NALF1: variants seen among roughly 807,000 people sequenced by gnomAD.
The protein encoded by NALF1 is NALCN channel auxiliary factor 1.
Under a neutral mutation model 48.4 loss-of-function variants are expected in NALF1, and 3 were observed. That is an observed-to-expected ratio of 0.06 (90% CI 0.03 to 0.16). The LOEUF is 0.16. Ranked by LOEUF, NALF1 falls within the 10% of genes least tolerant of loss-of-function variation. The pLI, the probability that NALF1 is intolerant of heterozygous loss-of-function variation, is 1.00. For synonymous variants in NALF1, 262 were observed against 245.7 expected (o/e 1.07, Z -0.62); for missense variants, 526 against 571.5 (o/e 0.92, Z 0.81).
intron 1 of NALF1, among the ~76,000 whole-genome samples, chr13:107,232,748 G>A (rs1008651783): frequency 6.6e-6 from 1 of 152,194 alleles, no homozygotes; most frequent in Non-Finnish European, 1.5e-5. Context: ...GAGATTCTGT[G>A]CACAGTTCCT....
At chr13:107,329,749 T>A (rs1469643032) in intron 1 of NALF1, among the ~76,000 whole-genome samples, 1 of 149,198 alleles carries the variant, frequency 6.7e-6, no homozygotes, top group African/African-American at 2.5e-5. Flanking sequence ...AGTGAGAACA[T>A]GCGGTGTTTG....
At chr13:107,219,621 T>A (rs1000595120) in intron 1 of NALF1, among the ~76,000 whole-genome samples, 8 of 152,244 alleles carry the variant, frequency 5.3e-5, no homozygotes, top group Non-Finnish European at 8.8e-5. Flanking sequence ...GAGCACTTGA[T>A]GATTAATAAA....
At chr13:107,419,394 T>C (rs574026923) in intron 1 of NALF1, among the ~76,000 whole-genome samples, 16 of 152,340 alleles carry the variant, frequency 1.1e-4, no homozygotes, top group Non-Finnish European at 1.8e-4. Context: ...ATTCACACAA[T>C]ATCGCTGTAA....
chr13:107,430,573 G>C (rs1246821972), intron 1 of NALF1, among the ~76,000 whole-genome samples: 1 of 152,146 alleles, frequency 6.6e-6, no homozygotes, highest in Non-Finnish European at 1.5e-5. Flanking sequence ...CCTTGCGATA[G>C]TTTGCTGAGA....
chr13:107,252,908 T>C (rs963252565), intron 1 of NALF1, among the ~76,000 whole-genome samples: 8 of 152,234 alleles, frequency 5.3e-5, no homozygotes, highest in Admixed American at 5.2e-4. Flanking sequence ...TTGAACATTA[T>C]ACATATTTTA....
chr13:107,529,839 C>G (rs1876567428), intron 1 of NALF1, among the ~76,000 whole-genome samples: 1 of 152,004 alleles, frequency 6.6e-6, no homozygotes, highest in South Asian at 2.1e-4. Context: ...TGGAAACTAT[C>G]CATGGTAGGG....
At chr13:107,840,292 A>G (rs181584257) in intron 1 of NALF1, among the ~76,000 whole-genome samples, 144 of 152,324 alleles carry the variant, frequency 9.5e-4, no homozygotes, top group South Asian at 2.9e-3. Flanking sequence ...ATTGTTAGCT[A>G]CATATAACAA....
intron 1 of NALF1, among the ~76,000 whole-genome samples, chr13:107,228,186 T>C (rs184371526): frequency 6.6e-6 from 1 of 152,110 alleles, no homozygotes; most frequent in Non-Finnish European, 1.5e-5. Flanking sequence ...TTTGGAAAAA[T>C]ATACAATGAA....
chr13:107,225,420 G>A (rs963556277), intron 1 of NALF1, among the ~76,000 whole-genome samples: 13 of 152,110 alleles, frequency 8.5e-5, no homozygotes, highest in African/African-American at 3.1e-4. Context: ...GGGACAACAG[G>A]TGCATGCCAC....
chr13:107,673,698 G>A (rs527308354), intron 1 of NALF1, among the ~76,000 whole-genome samples: 16 of 152,186 alleles, frequency 1.1e-4, no homozygotes, highest in African/African-American at 3.9e-4. Flanking sequence ...TTGACATGAA[G>A]AAATGATACA....
At chr13:107,780,625 A>C (rs1007061251) in intron 1 of NALF1, among the ~76,000 whole-genome samples, 1 of 151,760 alleles carries the variant, frequency 6.6e-6, no homozygotes, top group African/African-American at 2.4e-5. Context: ...CAGCCTCCTG[A>C]GCAGCTGGGA....
At chr13:107,640,241 C>T (rs1338939838) in intron 1 of NALF1, among the ~76,000 whole-genome samples, 2 of 152,066 alleles carry the variant, frequency 1.3e-5, no homozygotes, top group Admixed American at 1.3e-4. Context: ...CTAAGTACTA[C>T]GGCATTAGTC....
At position 107,613,598 on chromosome 13, in the gene NALF1, T is replaced by C. The variant is rs1879299371; in HGVS notation, c.915+252084A>G. ...TATTTGAACTACCTTGGTTTTCTTATTTCTGGGCCCTGACTCCATCCAGCC... is the reference window on the plus strand; with the variant it reads ...TATTTGAACTACCTTGGTTTTCTTACTTCTGGGCCCTGACTCCATCCAGCC... On this transcript the variant is annotated intron_variant, in intron 1 of 2. Transcript: ENST00000375915. 2.6e-5 allele frequency among the ~76,000 whole-genome samples: 4 copies of C among 152,372 alleles called. No individual in the cohort carries two copies. The South Asian group carries it at 8.3e-4, about 32-fold the overall frequency.
chr13:107,351,271 G>T (rs1269262209), intron 1 of NALF1, among the ~76,000 whole-genome samples: 1 of 152,118 alleles, frequency 6.6e-6, no homozygotes, highest in East Asian at 1.9e-4. Context: ...AAAATAAATT[G>T]TGAAGGAGAT....
intron 1 of NALF1, among the ~76,000 whole-genome samples, chr13:107,376,635 C>T (rs768426967): frequency 2.0e-5 from 3 of 152,132 alleles, no homozygotes; most frequent in Admixed American, 6.5e-5. Flanking sequence ...ACAGAGTCCA[C>T]GAATTATGTC....
intron 1 of NALF1, among the ~76,000 whole-genome samples, chr13:107,556,272 C>CATATATATAT (rs56407804): frequency 7.8e-4 from 103 of 131,354 alleles, no homozygotes; most frequent in Middle Eastern, 4.0e-3. Context: ...TCTCTCTCAA[C>CATATATATAT]ATATATATAT....
intron 1 of NALF1, among the ~76,000 whole-genome samples, chr13:107,653,292 G>T: frequency 6.7e-6 from 1 of 149,732 alleles, no homozygotes; most frequent in Non-Finnish European, 1.5e-5. Flanking sequence ...TTGTTTTATC[G>T]TAGGGGGAGA....
At chr13:107,489,318 G>C (rs1032951242) in intron 1 of NALF1, among the ~76,000 whole-genome samples, 7 of 152,074 alleles carry the variant, frequency 4.6e-5, no homozygotes, top group African/African-American at 1.7e-4. Context: ...TGCCTGAATA[G>C]CCAAGGCAAT....
At position 107,578,664 on chromosome 13, in the gene NALF1, CTTAT is replaced by C. The variant is rs933110474; in HGVS notation, c.915+287014_915+287017del. On this transcript the variant is annotated intron_variant, in intron 1 of 2. Coordinates refer to ENST00000375915, the MANE Select transcript of NALF1 (RefSeq NM_001080396.3). ...ATTGTTGTATCATTGTGATATGAAT[CTTAT>C]TTATTTTTACCTGTGTTCCATAGTA... 4.6e-5 allele frequency among the ~76,000 whole-genome samples: 7 copies of C among 152,126 alleles called. No homozygotes were observed. In the South Asian group the frequency reaches 1.0e-3, roughly 23 times the overall value.
Sources: allele counts gnomAD v4.1 joint callset (sites outside exome capture counted in the v4.1 genomes callset), GRCh38; gene constraint gnomAD v4.1.1; transcripts MANE v1.5; gene names NCBI Gene and HGNC (gene_info 2026-07-23, HGNC 2026-07-21).